Variants in LRRC4C observed in about 807,000 individuals in gnomAD.
The protein encoded by LRRC4C is leucine rich repeat containing 4C.
In LRRC4C, 5 loss-of-function variants were observed where a neutral mutation model predicts 33.6. The ratio of observed to expected loss-of-function variants is 0.15; its 90% confidence interval spans 0.08 to 0.31. The LOEUF is 0.31. Ranked by LOEUF, LRRC4C falls within the 10% of genes least tolerant of loss-of-function variation. The probability of loss-of-function intolerance (pLI) is 1.00; values close to 1 mark genes in which losing one functional copy is unlikely to be tolerated. For synonymous variants in LRRC4C, 329 were observed against 302.0 expected (o/e 1.09, Z -0.93); for missense variants, 560 against 796.7 (o/e 0.70, Z 3.58).
intron 3 of LRRC4C, among the ~76,000 whole-genome samples, chr11:40,463,896 C>A (rs962400649): frequency 6.6e-6 from 1 of 151,988 alleles, no homozygotes; most frequent in Admixed American, 6.6e-5. Context: ...TCTAGGCACT[C>A]CACCGAATTC....
chr11:40,575,934 AT>A (rs1167318396), intron 3 of LRRC4C, among the ~76,000 whole-genome samples: 5 of 152,204 alleles, frequency 3.3e-5, no homozygotes, highest in Admixed American at 1.3e-4. Flanking sequence ...TAATGGTTAT[AT>A]TTTTCAGCTT....
intron 3 of LRRC4C, among the ~76,000 whole-genome samples, 158 bp downstream of exon 3, chr11:40,647,984 T>A (rs1158782026): frequency 6.6e-6 from 1 of 152,176 alleles, no homozygotes; most frequent in Non-Finnish European, 1.5e-5. Context: ...GCCAGACATT[T>A]AGCCATATGC....
Position 40,763,073 on chromosome 11 carries a change from G to GTATACACACACATATATATGTATATATA in LRRC4C, c.-406-114823_-406-114796dup, listed in dbSNP as rs1949296445. The stretch of plus-strand genomic sequence containing the variant: ...CAAATATATATATATGTATATATAT[G>GTATACACACACATATATATGTATATATA]TATACACACACATATATATGTATAT... On this transcript the variant is annotated intron_variant, in intron 2 of 6. Transcript: ENST00000528697. 8.4e-5 allele frequency among the ~76,000 whole-genome samples: 12 copies of GTATACACACACATATATATGTATATATA among 143,052 alleles called. No homozygotes were observed. In the South Asian group the frequency reaches 8.7e-4, roughly 10 times the overall value. 93.8% of individuals were successfully genotyped at this position (143,052 alleles called of 152,430 possible).
chr11:40,775,712 T>C (rs987153710), intron 2 of LRRC4C, among the ~76,000 whole-genome samples: 1 of 152,210 alleles, frequency 6.6e-6, no homozygotes, highest in African/African-American at 2.4e-5. Context: ...AAAATCATAT[T>C]GTAAGTAAAG....
At chr11:41,032,689 T>C (rs933366896) in intron 1 of LRRC4C, among the ~76,000 whole-genome samples, 1 of 151,878 alleles carries the variant, frequency 6.6e-6, no homozygotes, top group Non-Finnish European at 1.5e-5. Context: ...ATAGATATTA[T>C]AGATGTCACT....
rs575099518 is a variant in LRRC4C, at chr11:40,777,510, T to G, written c.-406-129232A>C. On this transcript the variant is annotated intron_variant, in intron 2 of 6. Transcript: ENST00000528697. ...TGTCCTTTTTTACTGTTTTTTTTTT[T>G]TTTTTTTGTTTAAAGTTTGTTATTT... 5.4e-3 allele frequency among the ~76,000 whole-genome samples: 824 copies of G among 151,566 alleles called. 10 individuals carry two copies. The highest frequency in any genetic ancestry group is 0.018 in the East Asian group (92 of 5,148).
At chr11:41,060,750 CT>C (rs1937699674) in intron 1 of LRRC4C, among the ~76,000 whole-genome samples, 1 of 152,032 alleles carries the variant, frequency 6.6e-6, no homozygotes, top group Non-Finnish European at 1.5e-5. Context: ...TATTTTTATT[CT>C]TCCTCATCTA....
chr11:40,395,228 C>A (rs182398129), intron 3 of LRRC4C, among the ~76,000 whole-genome samples: 14 of 152,228 alleles, frequency 9.2e-5, no homozygotes, highest in Non-Finnish European at 1.8e-4. Context: ...GACTGACTTC[C>A]TGTGCATAGG....
intron 2 of LRRC4C, among the ~76,000 whole-genome samples, chr11:40,890,071 C>A (rs1283514016): frequency 2.0e-5 from 3 of 152,114 alleles, no homozygotes; most frequent in African/African-American, 7.2e-5. Context: ...ACCTTCCTTG[C>A]ATCTTCAGAT....
intron 2 of LRRC4C, among the ~76,000 whole-genome samples, chr11:40,923,216 T>C (rs1463679349): frequency 6.6e-6 from 1 of 152,214 alleles, no homozygotes; most frequent in Admixed American, 6.5e-5. Flanking sequence ...CTTATTTCTA[T>C]GCATTGGGTA....
At chr11:40,286,637 A>T (rs1943859467) in intron 4 of LRRC4C, among the ~76,000 whole-genome samples, 1 of 152,194 alleles carries the variant, frequency 6.6e-6, no homozygotes. Flanking sequence ...AAATAACCAA[A>T]GATTTCAAAG....
chr11:40,131,610 T>C (rs1322436175), intron 6 of LRRC4C, among the ~76,000 whole-genome samples: 1 of 152,162 alleles, frequency 6.6e-6, no homozygotes, highest in Non-Finnish European at 1.5e-5. Context: ...ACACAAATTT[T>C]TGTAGTACCC....
intron 1 of LRRC4C, among the ~76,000 whole-genome samples, chr11:41,213,517 G>A (rs924626104): frequency 5.3e-5 from 8 of 152,138 alleles, no homozygotes; most frequent in Admixed American, 6.6e-5. Context: ...AGGTTTACTC[G>A]TTGAATCTTC....
At chr11:41,085,534 G>A (rs940938619) in intron 1 of LRRC4C, among the ~76,000 whole-genome samples, 5 of 152,030 alleles carry the variant, frequency 3.3e-5, no homozygotes, top group Admixed American at 2.0e-4. Context: ...CTATCACGTA[G>A]TGTTGTTAGG....
At chr11:40,444,032 G>A (rs1020314756) in intron 3 of LRRC4C, among the ~76,000 whole-genome samples, 24 of 152,180 alleles carry the variant, frequency 1.6e-4, no homozygotes, top group Admixed American at 8.5e-4. Context: ...GCTTTATGAT[G>A]AGAAAATAAT....
intron 2 of LRRC4C, among the ~76,000 whole-genome samples, chr11:40,672,562 G>A (rs1378664859): frequency 6.6e-6 from 1 of 152,188 alleles, no homozygotes; most frequent in Non-Finnish European, 1.5e-5. Flanking sequence ...CATTCTGGTT[G>A]TAGATCAGCT....
chr11:40,276,442 C>T (rs1027183153), intron 4 of LRRC4C, among the ~76,000 whole-genome samples: 7 of 152,070 alleles, frequency 4.6e-5, no homozygotes, highest in East Asian at 1.9e-4. Flanking sequence ...ATTAAAGCTA[C>T]GGTTATATTC....
intron 3 of LRRC4C, among the ~76,000 whole-genome samples, chr11:40,616,022 T>C (rs1014946425): frequency 6.6e-6 from 1 of 151,490 alleles, no homozygotes; most frequent in Non-Finnish European, 1.5e-5. Context: ...AAAGAGAATA[T>C]CAGGATCCGG....
chr11:40,738,456 C>T (rs1397020011), intron 2 of LRRC4C, among the ~76,000 whole-genome samples: 1 of 152,070 alleles, frequency 6.6e-6, no homozygotes, highest in Non-Finnish European at 1.5e-5. Context: ...CTCTAGAGGA[C>T]TCTGACTAAT....
Sources: allele counts gnomAD v4.1 joint callset (sites outside exome capture counted in the v4.1 genomes callset), GRCh38; gene constraint gnomAD v4.1.1; transcripts MANE v1.5; gene names NCBI Gene and HGNC (gene_info 2026-07-23, HGNC 2026-07-21).